The following TUSC3 variants were observed in gnomAD, a reference collection of about 807,000 sequenced individuals.
The protein encoded by TUSC3 is tumor suppressor candidate 3.
A neutral mutation model predicts 44.8 loss-of-function variants in TUSC3; 45 were observed. That is an observed-to-expected ratio of 1.00 (90% CI 0.79 to 1.29). The LOEUF (loss-of-function observed/expected upper bound fraction) is 1.29. TUSC3 is among the 50% of genes most tolerant of loss of function. The probability of loss-of-function intolerance (pLI) is 0.00; values close to 1 mark genes in which losing one functional copy is unlikely to be tolerated. For synonymous variants in TUSC3, 212 were observed against 152.9 expected, an observed-to-expected ratio of 1.39 and a Z score of -2.85; for missense variants, 519 against 437.9, an observed-to-expected ratio of 1.19 and a Z score of -1.65.
the TUSC3 span, among the ~76,000 whole-genome samples, chr8:15,795,542 A>C: frequency 6.6e-6 from 1 of 152,156 alleles, no homozygotes; most frequent in African/African-American, 2.4e-5. Context: ...TTTTGGAGGG[A>C]TCTTTGAGGT....
intron 7 of TUSC3, among the ~76,000 whole-genome samples, chr8:15,738,591 C>G (rs924163887): frequency 1.3e-5 from 2 of 152,004 alleles, no homozygotes; most frequent in African/African-American, 4.8e-5. Flanking sequence ...GTGACTCTTT[C>G]CTGAAAAAGT....
At chr8:15,463,871 A>G (rs1366176514) in intron 1 of TUSC3, among the ~76,000 whole-genome samples, 1 of 152,148 alleles carries the variant, frequency 6.6e-6, no homozygotes, top group Admixed American at 6.5e-5. Context: ...CCAAAACCAT[A>G]CATATAATGT....
chr8:15,509,574 C>T (rs372236039), intron 2 of TUSC3, among the ~76,000 whole-genome samples: 18 of 151,954 alleles, frequency 1.2e-4, no homozygotes, highest in African/African-American at 4.3e-4. Flanking sequence ...TGCCACTGCA[C>T]TCAAACCTGG....
rs200620047 is a variant in TUSC3 at position 15,566,606 on chromosome 8, TTTG to T, written c.138+26059_138+26061del. Among the ~76,000 whole-genome samples, 706 of 143,818 alleles carry T rather than the reference TTTG, an allele frequency of 4.9e-3. 5 individuals carry two copies. The highest frequency in any genetic ancestry group is 0.014 in the African/African-American group (574 of 39,780). 94.4% of individuals were successfully genotyped at this position (143,818 alleles called of 152,430 possible). On this transcript the variant is annotated intron_variant, in intron 1 of 10. Transcript: ENST00000503731. The stretch of plus-strand genomic sequence containing the variant: ...TCCGACTTCACAGAAGACACATTTT[TTTG>T]TTGTTGTTGTTGTTGTTGTTTTTTT...
intron 1 of TUSC3, among the ~76,000 whole-genome samples, chr8:15,473,021 C>G (rs914104850): frequency 6.6e-6 from 1 of 152,130 alleles, no homozygotes; most frequent in Non-Finnish European, 1.5e-5. Flanking sequence ...AAAGCCTAAC[C>G]CAGAATCCTT....
rs1042827302 is a variant in TUSC3 at position 15,766,095 on chromosome 8, T to C, written c.*1939T>C. Reference sequence around the variant, plus strand: ...TACTATACCATATTAGTAAAGGTTTTCTAGCTCTTATTTTCTAATTTCCTC... The same window carrying C: ...TACTATACCATATTAGTAAAGGTTTCCTAGCTCTTATTTTCTAATTTCCTC... On this transcript the variant is annotated 3_prime_UTR_variant, in exon 11 of 11. Transcript: ENST00000503731. 13 of 142,608 alleles carry C rather than the reference T, an allele frequency of 9.1e-5. No homozygotes were observed. The highest frequency in any genetic ancestry group is 1.6e-4 in the Non-Finnish European group (10 of 61,324). The allele number at this position is 142,608 out of a possible 1,614,324, so 8.8% of individuals were successfully genotyped here. A position where few individuals can be genotyped will look rare whatever the true frequency, so the allele number is the denominator to read the frequency against.
At chr8:15,812,073 G>C in the TUSC3 span, among the ~76,000 whole-genome samples, 4 of 152,084 alleles carry the variant, frequency 2.6e-5, no homozygotes, top group Non-Finnish European at 4.4e-5. Flanking sequence ...ACTTTTATTG[G>C]TTTTCTTGTC....
the TUSC3 span, among the ~76,000 whole-genome samples, chr8:15,817,348 G>A: frequency 3.3e-5 from 5 of 149,704 alleles, no homozygotes; most frequent in Non-Finnish European, 4.5e-5. Context: ...ATTAAGACTT[G>A]AAAAAAAAAA....
At chr8:15,630,448 A>C (rs1165233422) in intron 2 of TUSC3, among the ~76,000 whole-genome samples, 1 of 145,452 alleles carries the variant, frequency 6.9e-6, no homozygotes, top group South Asian at 2.1e-4. Context: ...TCCTTTATAT[A>C]TACAGTATAT....
chr8:15,581,325 G>A lies in TUSC3; in HGVS notation c.138+40757G>A, dbSNP rs1450954419. Among the ~76,000 whole-genome samples the A allele has an allele frequency of 6.9e-3, 1,033 of 149,318 alleles. 6 individuals are homozygous for A. Among genetic ancestry groups the A allele is most frequent in the African/African-American group, 0.024 (950 of 39,472 alleles). Reference sequence around the variant, plus strand: ...AGCCTTCTTCTCTCAGCTCGTCAAAGTCATTCTCCATCCAGCTTTGTTCCG... The same window carrying A: ...AGCCTTCTTCTCTCAGCTCGTCAAAATCATTCTCCATCCAGCTTTGTTCCG... On this transcript the variant is annotated intron_variant, in intron 1 of 10. Coordinates refer to ENST00000503731, the MANE Select transcript of TUSC3 (RefSeq NM_006765.4).
chr8:15,591,917 T>G (rs1348373193), intron 1 of TUSC3, among the ~76,000 whole-genome samples: 1 of 152,168 alleles, frequency 6.6e-6, no homozygotes, highest in Non-Finnish European at 1.5e-5. Flanking sequence ...TCTTTTACAT[T>G]TTAAAGTAAT....
At chr8:15,851,320 C>G in the TUSC3 span, among the ~76,000 whole-genome samples, 3 of 152,148 alleles carry the variant, frequency 2.0e-5, no homozygotes, top group East Asian at 5.8e-4. Flanking sequence ...AGTCCCTGGT[C>G]TTAAGGATCT....
intron 1 of TUSC3, among the ~76,000 whole-genome samples, chr8:15,448,908 T>C (rs550002384): frequency 4.6e-5 from 7 of 152,332 alleles, no homozygotes; most frequent in African/African-American, 1.7e-4. Context: ...GTAGCCATTA[T>C]AACATCATAG....
At chr8:15,516,538 A>G (rs1316948983) in intron 2 of TUSC3, among the ~76,000 whole-genome samples, 2 of 152,022 alleles carry the variant, frequency 1.3e-5, no homozygotes, top group East Asian at 3.9e-4. Flanking sequence ...CATTGAGATT[A>G]CTCTTCTTAA....
intron 1 of TUSC3, among the ~76,000 whole-genome samples, chr8:15,563,386 G>A (rs770988297): frequency 6.6e-6 from 1 of 152,024 alleles, no homozygotes; most frequent in African/African-American, 2.4e-5. Context: ...AGGGCAGGCC[G>A]TTGGGAAGAT....
the TUSC3 span, among the ~76,000 whole-genome samples, chr8:15,777,727 G>A: frequency 6.6e-6 from 1 of 152,054 alleles, no homozygotes; most frequent in Admixed American, 6.6e-5. Context: ...ATGCTTAAAG[G>A]TTGTTGGACT....
At position 15,442,049 on chromosome 8, in the gene TUSC3, T is replaced by C. The variant is rs58894831; in HGVS notation, n.91+24744T>C. ...ATCATATAACTGACTGGGCTTCCTT[T>C]TTTTAAATGGCTTTCAGAAAACATT... On this transcript the variant is annotated intron_variant and non_coding_transcript_variant, in intron 1 of 5. Transcript: ENST00000503191. Among the ~76,000 whole-genome samples the C allele has an allele frequency of 4.8e-3, 731 of 152,324 alleles. 8 individuals are homozygous for C. The highest frequency in any genetic ancestry group is 0.017 in the African/African-American group (701 of 41,576).
intron 2 of TUSC3, among the ~76,000 whole-genome samples, chr8:15,502,171 T>C (rs1352166706): frequency 6.6e-6 from 1 of 152,232 alleles, no homozygotes; most frequent in Non-Finnish European, 1.5e-5. Context: ...GTAAGTCAAA[T>C]TGCAAACTAT....
chr8:15,503,417 CT>C (rs1041449776), intron 2 of TUSC3, among the ~76,000 whole-genome samples: 26 of 151,838 alleles, frequency 1.7e-4, no homozygotes, highest in Non-Finnish European at 7.4e-5. Context: ...ACTTGACATA[CT>C]TTTTTTTTCT....
Sources: allele counts gnomAD v4.1 joint callset (sites outside exome capture counted in the v4.1 genomes callset), GRCh38; gene constraint gnomAD v4.1.1; transcripts MANE v1.5; gene names NCBI Gene and HGNC (gene_info 2026-07-23, HGNC 2026-07-21).